The following FMN1 variants were observed in gnomAD, a reference collection of about 807,000 sequenced individuals.
FMN1 encodes formin 1, also known as formin-1.
In FMN1, 110 loss-of-function variants were observed where a neutral mutation model predicts 132.4. The ratio of observed to expected loss-of-function variants is 0.83; its 90% confidence interval spans 0.71 to 0.97. The LOEUF (loss-of-function observed/expected upper bound fraction) is 0.97, where lower values mean the gene tolerates loss of function less well. Among genes scored for constraint, FMN1 ranks in the 50% least tolerant of loss-of-function variants. The pLI, the probability that FMN1 is intolerant of heterozygous loss-of-function variation, is 0.00. For missense variants in FMN1, 1,792 were observed against 1,705.3 expected (o/e 1.05, Z -0.90); for synonymous variants, 722 against 651.7 (o/e 1.11, Z -1.64).
At chr15:32,956,626 C>T (rs1444889058) in intron 9 of FMN1, among the ~76,000 whole-genome samples, 2 of 152,084 alleles carry the variant, frequency 1.3e-5, no homozygotes, top group Middle Eastern at 3.2e-3. Context: ...AACACATGGG[C>T]AAGTTATTTC....
At chr15:33,113,580 G>A (rs972086770) in intron 4 of FMN1, among the ~76,000 whole-genome samples, 1 of 151,998 alleles carries the variant, frequency 6.6e-6, no homozygotes, top group Admixed American at 6.6e-5. Context: ...CGCTCCTACA[G>A]AAAACACAAA....
intron 15 of FMN1, among the ~76,000 whole-genome samples, chr15:32,898,033 A>G (rs1358610866): frequency 6.6e-6 from 1 of 152,162 alleles, no homozygotes; most frequent in African/African-American, 2.4e-5. Context: ...TAGTTAGATA[A>G]GCCCACCAGG....
chr15:33,121,143 T>C (rs1005834791), intron 4 of FMN1, among the ~76,000 whole-genome samples: 7 of 152,206 alleles, frequency 4.6e-5, no homozygotes, highest in Non-Finnish European at 4.4e-5. Context: ...TGATTTACAG[T>C]CTACTTTCTC....
intron 15 of FMN1, among the ~76,000 whole-genome samples, chr15:32,894,382 G>A (rs546385341): frequency 6.6e-6 from 1 of 152,064 alleles, no homozygotes; most frequent in Admixed American, 6.6e-5. Context: ...TACTTGGAAG[G>A]CTGAGGCACG....
intron 15 of FMN1, among the ~76,000 whole-genome samples, chr15:32,897,697 G>A (rs1596215683): frequency 2.0e-5 from 3 of 152,278 alleles, no homozygotes; most frequent in Admixed American, 2.0e-4. Flanking sequence ...AAAGCAATAG[G>A]ATCAGAGCTG....
chr15:33,165,449 GGC>G (rs1965062613), intron 3 of FMN1, among the ~76,000 whole-genome samples: 1 of 152,206 alleles, frequency 6.6e-6, no homozygotes, highest in Non-Finnish European at 1.5e-5. Flanking sequence ...GGAGTGCAGT[GGC>G]GCGATCTCGG....
intron 6 of FMN1, chr15:33,012,738 T>A: frequency 4.0e-6 from 3 of 746,392 alleles, no homozygotes; most frequent in Non-Finnish European, 7.4e-6. Flanking sequence ...GCCATGGAGG[T>A]GGTTTTGGTG....
intron 16 of FMN1, among the ~76,000 whole-genome samples, chr15:32,861,221 C>T (rs1029664989): frequency 1.3e-5 from 2 of 152,190 alleles, no homozygotes; most frequent in African/African-American, 4.8e-5. Flanking sequence ...GAACGCCTGA[C>T]AATAACTCCT....
At chr15:33,119,162 A>T (rs764578113) in intron 4 of FMN1, among the ~76,000 whole-genome samples, 1 of 152,194 alleles carries the variant, frequency 6.6e-6, no homozygotes, top group Non-Finnish European at 1.5e-5. Flanking sequence ...TATTCTGATG[A>T]TCTAGTTAGA....
chr15:32,770,490 G>A lies in FMN1; in HGVS notation c.*3820C>T, dbSNP rs975378178. On this transcript the variant is annotated 3_prime_UTR_variant, in exon 21 of 21. Transcript: ENST00000616417. ...TATTTCTTCTGCTACATCTCACTGC[G>A]GCCCTTAGAAAAACCGTACCAATGA... The A allele has an allele frequency of 9.9e-5, 15 of 152,076 alleles. No homozygotes were observed. The highest frequency in any genetic ancestry group is 1.9e-4 in the East Asian group (1 of 5,192). 9.4% of individuals were successfully genotyped at this position (152,076 alleles called of 1,614,324 possible).
At chr15:32,901,656 T>C (rs1474479047) in intron 13 of FMN1, among the ~76,000 whole-genome samples, 5 of 152,194 alleles carry the variant, frequency 3.3e-5, no homozygotes, top group African/African-American at 4.8e-5. Context: ...TGGAAGATAC[T>C]CAGAATTTTT....
intron 4 of FMN1, among the ~76,000 whole-genome samples, chr15:33,091,362 T>A (rs930039194): frequency 6.6e-6 from 1 of 152,122 alleles, no homozygotes; most frequent in Non-Finnish European, 1.5e-5. Flanking sequence ...TGAGGTGAGG[T>A]GTGCAATCCA....
intron 15 of FMN1, among the ~76,000 whole-genome samples, chr15:32,890,896 C>G (rs977982771): frequency 1.3e-5 from 2 of 152,066 alleles, no homozygotes; most frequent in Non-Finnish European, 2.9e-5. Context: ...GTCCTTAATC[C>G]ATTGAGTTGA....
At chr15:33,012,851 A>G in intron 6 of FMN1, 1 of 611,144 alleles carries the variant, frequency 1.6e-6, no homozygotes, top group Non-Finnish European at 3.1e-6. Flanking sequence ...GGCTATAATG[A>G]ATTTGGTAAT....
At chr15:33,058,035 G>GT (rs2037306774) in intron 6 of FMN1, among the ~76,000 whole-genome samples, 2 of 141,318 alleles carry the variant, frequency 1.4e-5, no homozygotes, top group African/African-American at 2.6e-5. Context: ...GAAAGGCGTG[G>GT]CGGGCTGGTG....
chr15:33,006,302 C>T (rs948098929), intron 7 of FMN1, among the ~76,000 whole-genome samples: 3 of 152,102 alleles, frequency 2.0e-5, no homozygotes, highest in African/African-American at 7.2e-5. Flanking sequence ...GCTCCAACAT[C>T]ACTAATCATC....
Position 32,967,914 on chromosome 15 carries a change from G to GA in FMN1, c.2987+799dup, listed in dbSNP as rs554108214. Reference sequence around the variant, plus strand: ...TCCTTTACAAACAAACTTTAAAGGAGAAAGTGGTCAAGAGACAACTTAAGA... The same window carrying GA: ...TCCTTTACAAACAAACTTTAAAGGAGAAAAGTGGTCAAGAGACAACTTAAGA... On this transcript the variant is annotated intron_variant, in intron 8 of 20. Transcript: ENST00000616417. Among the ~76,000 whole-genome samples the GA allele has an allele frequency of 5.3e-5, 8 of 152,348 alleles. No individual in the cohort carries two copies. In the South Asian group the frequency reaches 1.0e-3, roughly 20 times the overall value.
chr15:32,837,174 G>T, intron 17 of FMN1: 1 of 230,816 alleles, frequency 4.3e-6, no homozygotes, highest in South Asian at 8.0e-5. Context: ...CCAGTACAAG[G>T]AACATTGCTT....
At chr15:33,094,314 A>G (rs1490447909) in intron 4 of FMN1, among the ~76,000 whole-genome samples, 1 of 152,232 alleles carries the variant, frequency 6.6e-6, no homozygotes, top group Admixed American at 6.5e-5. Context: ...GCTGGGGGAT[A>G]GATAGATTTG....
Sources: allele counts gnomAD v4.1 joint callset (sites outside exome capture counted in the v4.1 genomes callset), GRCh38; gene constraint gnomAD v4.1.1; transcripts MANE v1.5; gene names NCBI Gene and HGNC (gene_info 2026-07-23, HGNC 2026-07-21).